Variants in FOXP2 observed in about 807,000 individuals in gnomAD.
FOXP2 encodes forkhead box protein P2.
Under a neutral mutation model 115.8 loss-of-function variants are expected in FOXP2, and 12 were observed. That is an observed-to-expected ratio of 0.10 (90% confidence interval 0.07 to 0.17). The LOEUF (loss-of-function observed/expected upper bound fraction) is 0.17, where lower values mean the gene tolerates loss of function less well. Among genes scored for constraint, FOXP2 ranks in the 10% least tolerant of loss-of-function variants. The pLI, the probability that FOXP2 is intolerant of heterozygous loss-of-function variation, is 1.00. For missense variants in FOXP2, 629 were observed against 843.5 expected (o/e 0.75, Z 3.15); for synonymous variants, 328 against 297.7 (o/e 1.10, Z -1.05).
At chr7:114,584,282 AT>A (rs1402816109) in intron 3 of FOXP2, among the ~76,000 whole-genome samples, 1 of 152,102 alleles carries the variant, frequency 6.6e-6, no homozygotes, top group Non-Finnish European at 1.5e-5. Flanking sequence ...AACAGTGCCT[AT>A]TTGAATGAAC....
rs1046344582 is a variant in FOXP2, at chr7:114,649,987, C to T, written c.1095-2216C>T. On this transcript the variant is annotated intron_variant, in intron 8 of 16. Transcript: ENST00000350908. ...ACATCACAACACTTTAAAAACCTTT[C>T]GCCTTCATACAGGAGAATAAAGGAC... 3.0e-4 allele frequency among the ~76,000 whole-genome samples: 45 copies of T among 152,062 alleles called. 1 individual carries two copies. The highest frequency in any genetic ancestry group is 1.2e-4 in the Non-Finnish European group (8 of 67,994).
At chr7:114,292,172 A>C (rs1262743102) in intron 2 of FOXP2, among the ~76,000 whole-genome samples, 1 of 151,572 alleles carries the variant, frequency 6.6e-6, no homozygotes, top group African/African-American at 2.4e-5. Context: ...GGTCCTGCCC[A>C]CACTCAAGGG....
chr7:114,662,226 C>CA (rs1806910237), intron 14 of FOXP2, 40 bp downstream of exon 14: 1 of 1,609,958 alleles, frequency 6.2e-7, no homozygotes, highest in African/African-American at 1.3e-5. Flanking sequence ...ATCCTGCATC[C>CA]ACCAGGAAAA....
intron 3 of FOXP2, among the ~76,000 whole-genome samples, chr7:114,625,689 T>C (rs772819022): frequency 6.6e-6 from 1 of 151,812 alleles, no homozygotes; most frequent in Non-Finnish European, 1.5e-5. Context: ...AAATGAAGGC[T>C]ATGCATTTCT....
intron 1 of FOXP2, among the ~76,000 whole-genome samples, chr7:114,110,600 G>T (rs1036975474): frequency 5.3e-5 from 8 of 152,166 alleles, no homozygotes; most frequent in Non-Finnish European, 4.4e-5. Context: ...GGTACTTGTG[G>T]TGTGGAAACC....
intron 2 of FOXP2, among the ~76,000 whole-genome samples, chr7:114,300,323 G>T (rs1796849410): frequency 6.6e-6 from 1 of 151,882 alleles, no homozygotes; most frequent in African/African-American, 2.4e-5. Context: ...GAATAATGCA[G>T]GTGCGAAGCA....
intron 1 of FOXP2, among the ~76,000 whole-genome samples, chr7:114,205,769 G>GTGGCTTA (rs1266808388): frequency 1.3e-5 from 2 of 152,136 alleles, no homozygotes; most frequent in Non-Finnish European, 2.9e-5. Flanking sequence ...GGCTCTTCAA[G>GTGGCTTA]TTCTCCCTTA....
At chr7:114,517,766 C>T (rs1798416666) in intron 2 of FOXP2, among the ~76,000 whole-genome samples, 1 of 152,068 alleles carries the variant, frequency 6.6e-6, no homozygotes, top group African/African-American at 2.4e-5. Context: ...GTTGTGATGC[C>T]TCCAGCTTTG....
At chr7:114,502,553 C>T (rs1467841340) in intron 2 of FOXP2, among the ~76,000 whole-genome samples, 2 of 152,030 alleles carry the variant, frequency 1.3e-5, no homozygotes, top group South Asian at 2.1e-4. Context: ...CACTGTTTGG[C>T]TTGTTTATAT....
intron 2 of FOXP2, among the ~76,000 whole-genome samples, chr7:114,509,225 G>A (rs974419566): frequency 6.6e-6 from 1 of 151,976 alleles, no homozygotes; most frequent in African/African-American, 2.4e-5. Context: ...GTCCTTGGAG[G>A]CCTTAGAAAA....
At chr7:114,657,955 T>G in intron 10 of FOXP2, 111 bp from the exon 11 acceptor site, 1 of 1,137,058 alleles carries the variant, frequency 8.8e-7, no homozygotes, top group Non-Finnish European at 1.3e-6. Flanking sequence ...TTTTGCAGCT[T>G]ATTAGTGGCA....
chr7:114,533,884 A>T (rs564207804), intron 2 of FOXP2, among the ~76,000 whole-genome samples: 1 of 151,998 alleles, frequency 6.6e-6, no homozygotes, highest in African/African-American at 2.4e-5. Flanking sequence ...TGCTTACATT[A>T]ATTTCTTATG....
chr7:114,303,799 T>G (rs1796934925), intron 2 of FOXP2, among the ~76,000 whole-genome samples: 1 of 152,188 alleles, frequency 6.6e-6, no homozygotes, highest in African/African-American at 2.4e-5. Flanking sequence ...GATGAATAAT[T>G]TGTAAAATAA....
intron 2 of FOXP2, among the ~76,000 whole-genome samples, chr7:114,435,245 G>C (rs1794288015): frequency 6.6e-6 from 1 of 152,150 alleles, no homozygotes; most frequent in South Asian, 2.1e-4. Context: ...AGGCCTTGAA[G>C]AGGAGGGACA....
At chr7:114,664,573 A>G in intron 16 of FOXP2, 137 bp downstream of exon 16, 2 of 1,016,760 alleles carry the variant, frequency 2.0e-6, no homozygotes, top group South Asian at 1.5e-5. Flanking sequence ...TACCACGTTC[A>G]TAATATGACA....
At chr7:114,443,789 G>C (rs1173312499) in intron 2 of FOXP2, among the ~76,000 whole-genome samples, 1 of 152,098 alleles carries the variant, frequency 6.6e-6, no homozygotes, top group Non-Finnish European at 1.5e-5. Flanking sequence ...GCCATTGTGT[G>C]TATGTACCAC....
intron 1 of FOXP2, among the ~76,000 whole-genome samples, chr7:114,215,381 A>AT (rs1334925155): frequency 1.3e-5 from 2 of 152,096 alleles, no homozygotes; most frequent in African/African-American, 2.4e-5. Flanking sequence ...TATTTACATG[A>AT]TTTTTTATGG....
In FOXP2 at chr7:114,622,918, C is replaced by A. The variant is rs182370145; in HGVS notation, c.259-5622C>A. The stretch of plus-strand genomic sequence containing the variant: ...AAGATCTTAATTCTAGGGAATGGAT[C>A]TAGCTCACTAGCCATATAAACATTT... On this transcript the variant is annotated intron_variant, in intron 3 of 16. Coordinates refer to ENST00000350908, the MANE Select transcript of FOXP2 (RefSeq NM_014491.4). Among the ~76,000 whole-genome samples, 919 of 151,996 alleles carry A rather than the reference C, an allele frequency of 6.0e-3. 9 individuals carry two copies. The highest frequency in any genetic ancestry group is 0.021 in the African/African-American group (878 of 41,530).
At chr7:114,407,869 T>C (rs1373118368) in intron 2 of FOXP2, among the ~76,000 whole-genome samples, 1 of 152,100 alleles carries the variant, frequency 6.6e-6, no homozygotes, top group East Asian at 1.9e-4. Flanking sequence ...CTAGCATCAT[T>C]CAGTAAAAAC....
Sources: allele counts gnomAD v4.1 joint callset (sites outside exome capture counted in the v4.1 genomes callset), GRCh38; gene constraint gnomAD v4.1.1; transcripts MANE v1.5; gene names NCBI Gene and HGNC (gene_info 2026-07-23, HGNC 2026-07-21).